Variants in CDH2 observed in about 807,000 individuals in gnomAD.
CDH2 encodes cadherin 2, also known as cadherin-2.
Under a neutral mutation model 92.0 loss-of-function variants are expected in CDH2, and 17 were observed. The ratio of observed to expected loss-of-function variants is 0.18; its 90% CI spans 0.13 to 0.28. The LOEUF (loss-of-function observed/expected upper bound fraction) is 0.28. Ranked by LOEUF, CDH2 falls within the 10% of genes least tolerant of loss-of-function variation. The probability of loss-of-function intolerance (pLI) is 1.00; values close to 1 mark genes in which losing one functional copy is unlikely to be tolerated. For missense variants in CDH2, 862 were observed against 1,133.1 expected (o/e 0.76, Z 3.44); for synonymous variants, 419 against 415.9 (o/e 1.01, Z -0.09).
chr18:27,962,017 A>G (rs1313881405), intron 15 of CDH2, among the ~76,000 whole-genome samples: 1 of 152,226 alleles, frequency 6.6e-6, no homozygotes, highest in African/African-American at 2.4e-5. Context: ...TATAACTTGA[A>G]TTGACAACCA....
intron 11 of CDH2, among the ~76,000 whole-genome samples, chr18:27,986,880 T>C (rs2012252168): frequency 6.6e-6 from 1 of 152,224 alleles, no homozygotes; most frequent in South Asian, 2.1e-4. Flanking sequence ...TATACTTTTA[T>C]AACAACTATA....
chr18:28,076,894 A>G (rs2014730904), intron 2 of CDH2, among the ~76,000 whole-genome samples: 1 of 151,944 alleles, frequency 6.6e-6, no homozygotes, highest in African/African-American at 2.4e-5. Flanking sequence ...TGATAGATGG[A>G]AAAGCAAAAG....
At chr18:28,138,939 G>C (rs2015908167) in intron 2 of CDH2, among the ~76,000 whole-genome samples, 1 of 152,078 alleles carries the variant, frequency 6.6e-6, no homozygotes, top group Non-Finnish European at 1.5e-5. Flanking sequence ...GGGGAAGGGA[G>C]TGACAGTAGT....
intron 6 of CDH2, among the ~76,000 whole-genome samples, chr18:27,936,456 A>C (rs1292166859): frequency 6.6e-6 from 1 of 152,178 alleles, no homozygotes; most frequent in Non-Finnish European, 1.5e-5. Context: ...TCCTTTTAAT[A>C]AGTAAAACCA....
intron 6 of CDH2, among the ~76,000 whole-genome samples, chr18:28,003,840 T>C (rs958061159): frequency 6.6e-6 from 1 of 152,234 alleles, no homozygotes; most frequent in Non-Finnish European, 1.5e-5. Flanking sequence ...ATCGAATTAG[T>C]TCAAACTAGC....
At chr18:27,943,145 C>A (rs1398991035) in intron 6 of CDH2, among the ~76,000 whole-genome samples, 3 of 152,074 alleles carry the variant, frequency 2.0e-5, no homozygotes, top group African/African-American at 7.2e-5. Context: ...TATCTGAACA[C>A]CCCAAAATGG....
intron 2 of CDH2, among the ~76,000 whole-genome samples, chr18:28,095,807 CA>C (rs33981188): frequency 0.036 from 3,701 of 102,876 alleles, 71 homozygotes; most frequent in Non-Finnish European, 0.054. Context: ...GCAACTCCAT[CA>C]AAAAAAAAAA....
chr18:27,942,700 T>C (rs1909169732), intron 6 of CDH2, among the ~76,000 whole-genome samples: 2 of 152,232 alleles, frequency 1.3e-5, no homozygotes, highest in Non-Finnish European at 2.9e-5. Flanking sequence ...GCTAGCAGAC[T>C]ACATGTTCCC....
intron 11 of CDH2, among the ~76,000 whole-genome samples, chr18:27,987,674 G>A (rs1432913979): frequency 6.6e-6 from 1 of 152,174 alleles, no homozygotes; most frequent in African/African-American, 2.4e-5. Flanking sequence ...ACTTAGTTGA[G>A]TGGTTAGTTC....
At chr18:28,038,422 A>AGTGTGTGT (rs57601293) in intron 2 of CDH2, among the ~76,000 whole-genome samples, 2,711 of 142,348 alleles carry the variant, frequency 0.019, 38 homozygotes, top group Non-Finnish European at 0.022. Flanking sequence ...CCTTGTCTCA[A>AGTGTGTGT]GTGTGTGTGT....
At chr18:27,992,600 T>C in intron 9 of CDH2, 55 bp downstream of exon 9, 1 of 1,430,634 alleles carries the variant, frequency 7.0e-7, no homozygotes, top group Non-Finnish European at 9.6e-7. Flanking sequence ...GGGGGACATA[T>C]ATTGGTCCTT....
intron 2 of CDH2, among the ~76,000 whole-genome samples, chr18:28,105,232 C>T (rs1217439941): frequency 6.6e-6 from 1 of 152,106 alleles, no homozygotes; most frequent in Non-Finnish European, 1.5e-5. Context: ...CATAATCTTC[C>T]TTTTACCAAA....
At chr18:27,959,589 A>G (rs566718192) in intron 15 of CDH2, 1 of 152,338 alleles carries the variant, frequency 6.6e-6, no homozygotes, top group East Asian at 1.9e-4. Context: ...ACACTGAACA[A>G]GTCTTAACAG....
chr18:28,086,753 C>T (rs1266399827), intron 2 of CDH2, among the ~76,000 whole-genome samples: 1 of 152,126 alleles, frequency 6.6e-6, no homozygotes, highest in Non-Finnish European at 1.5e-5. Flanking sequence ...ATTTCAGTAT[C>T]CTCTGGTCTT....
At chr18:28,128,568 C>T (rs572357341) in intron 2 of CDH2, among the ~76,000 whole-genome samples, 3 of 152,082 alleles carry the variant, frequency 2.0e-5, no homozygotes, top group South Asian at 4.2e-4. Flanking sequence ...TGCCTGTAGT[C>T]CCAGCTACTT....
chr18:28,151,167 G>A (rs770041875), intron 1 of CDH2, among the ~76,000 whole-genome samples: 1 of 152,228 alleles, frequency 6.6e-6, no homozygotes, highest in Non-Finnish European at 1.5e-5. Context: ...CACTGTGGTG[G>A]TAATCCTTGT....
At chr18:28,083,249 T>C (rs2014864323) in intron 2 of CDH2, among the ~76,000 whole-genome samples, 1 of 152,204 alleles carries the variant, frequency 6.6e-6, no homozygotes, top group African/African-American at 2.4e-5. Context: ...TATTTTATTG[T>C]CCCAGTCCAC....
chr18:27,973,695 C>T (rs2011732643), intron 14 of CDH2, among the ~76,000 whole-genome samples: 2 of 152,194 alleles, frequency 1.3e-5, no homozygotes, highest in Non-Finnish European at 2.9e-5. Context: ...CAGCTGATCA[C>T]TTAAACCATT....
chr18:28,021,054 GT>G (rs1053981429), intron 2 of CDH2, among the ~76,000 whole-genome samples: 6 of 151,838 alleles, frequency 4.0e-5, no homozygotes, highest in Admixed American at 2.6e-4. Context: ...TGGTTGTCTC[GT>G]TGTCAATATC....
Sources: gnomAD v4.1 joint callset for allele counts (sites outside exome capture counted in the v4.1 genomes callset) on GRCh38, gnomAD v4.1.1 for gene constraint, MANE v1.5 for transcripts, NCBI Gene and HGNC (gene_info 2026-07-23, HGNC 2026-07-21) for gene names.